Variants in IGFBP5 observed in about 807,000 individuals in gnomAD.
The protein encoded by IGFBP5 is insulin-like growth factor-binding protein 5.
IGFBP5 carries 12 observed loss-of-function variants against 28.0 expected under a neutral mutation model. The observed-to-expected ratio is 0.43, with a 90% CI of 0.27 to 0.69. The LOEUF is 0.69. Among genes scored for constraint, IGFBP5 ranks in the 30% least tolerant of loss-of-function variants. IGFBP5 has a pLI of 0.20. For synonymous variants in IGFBP5, 152 were observed against 150.2 expected, an observed-to-expected ratio of 1.01 and a Z score of -0.09; for missense variants, 344 against 381.6, an observed-to-expected ratio of 0.90 and a Z score of 0.82.
At chr2:216,682,967 C>G (rs945329535) in intron 1 of IGFBP5, among the ~76,000 whole-genome samples, 2 of 152,108 alleles carry the variant, frequency 1.3e-5, no homozygotes, top group Non-Finnish European at 2.9e-5. Flanking sequence ...CTTGGCCTCC[C>G]AAAGAGCTGG....
chr2:216,686,466 A>G (rs1043501912), intron 1 of IGFBP5, among the ~76,000 whole-genome samples: 5 of 151,948 alleles, frequency 3.3e-5, no homozygotes, highest in Admixed American at 6.6e-5. Flanking sequence ...ATAAAATGAA[A>G]TATTAGCCGG....
At chr2:216,689,374 G>C (rs916215933) in intron 1 of IGFBP5, among the ~76,000 whole-genome samples, 28 of 152,204 alleles carry the variant, frequency 1.8e-4, no homozygotes, top group African/African-American at 6.8e-4. Flanking sequence ...CCTAAGCCAG[G>C]CTTGTATGCA....
chr2:216,686,852 C>T (rs1419110108), intron 1 of IGFBP5, among the ~76,000 whole-genome samples: 4 of 151,694 alleles, frequency 2.6e-5, no homozygotes, highest in African/African-American at 9.7e-5. Flanking sequence ...CTCTTGAGCT[C>T]GTGATCCACC....
rs1689106030 is a variant in IGFBP5 at position 216,692,154 on chromosome 2, G to A, written c.337+2285C>T. ...CATCCCATCTGTTCGGGAAGAAGAT[G>A]TCGGCACCAGCAGCGGTGGAGCGCC... is the stretch of plus-strand genomic sequence containing the variant. On this transcript the variant is annotated intron_variant, in intron 1 of 3. Coordinates refer to ENST00000233813, the MANE Select transcript of IGFBP5 (RefSeq NM_000599.4). This position sits in a 1 kb window ranked among gnomAD's most constrained non-coding sequence, Gnocchi z 4.2. Among the ~76,000 whole-genome samples, 1 of 152,120 alleles carries A rather than the reference G, an allele frequency of 6.6e-6. No individual in the cohort carries two copies. The highest frequency in any genetic ancestry group is 2.4e-5 in the African/African-American group (1 of 41,408).
chr2:216,678,051 T>G, intron 3 of IGFBP5, 61 bp downstream of exon 3: 1 of 1,358,982 alleles, frequency 7.4e-7, no homozygotes, highest in Non-Finnish European at 9.6e-7. Flanking sequence ...CAAGGTGGAG[T>G]TTCCTGGCAG....
chr2:216,688,162 G>A (rs1353596804), intron 1 of IGFBP5, among the ~76,000 whole-genome samples: 1 of 152,108 alleles, frequency 6.6e-6, no homozygotes, highest in African/African-American at 2.4e-5. Context: ...TTTAAAAACA[G>A]ATACTCAACT....
At position 216,677,279 on chromosome 2, in the gene IGFBP5, A is replaced by G. The variant is rs10932670; in HGVS notation, c.688-397T>C. Among the ~76,000 whole-genome samples the G allele has an allele frequency of 8.3e-3, 1,255 of 152,088 alleles. 19 individuals are homozygous for G. Among genetic ancestry groups the G allele is most frequent in the African/African-American group, 0.028 (1,157 of 41,484 alleles). On this transcript the variant is annotated intron_variant, in intron 3 of 3. Coordinates refer to ENST00000233813, the MANE Select transcript of IGFBP5 (RefSeq NM_000599.4). ...AATATTACCCATTTGAGTTCCCCCA[A>G]CGTGAAACTCTGCAGGGATTCTCAA...
chr2:216,676,968 G>T, intron 3 of IGFBP5, 86 bp from the exon 4 acceptor site: 1 of 1,453,560 alleles, frequency 6.9e-7, no homozygotes, highest in Non-Finnish European at 9.4e-7. Context: ...CTACCCCAAG[G>T]CAAGACTCTC....
At chr2:216,690,534 T>C (rs562256616) in intron 1 of IGFBP5, among the ~76,000 whole-genome samples, 45 of 152,352 alleles carry the variant, frequency 3.0e-4, no homozygotes, top group African/African-American at 1.0e-3. Context: ...CCAGGGCTTC[T>C]GCAGGGAATT....
Position 216,674,319 on chromosome 2 carries a change from G to A in IGFBP5, c.*2432C>T, listed in dbSNP as rs1478149155. ...TTAGGGGACAGCTGTGCAGAGAGAT[G>A]GGGCATGCTGACTCGGCAGGTCAAG... On this transcript the variant is annotated 3_prime_UTR_variant, in exon 4 of 4. Transcript: ENST00000233813. This position sits in a 1 kb window ranked among gnomAD's most constrained non-coding sequence, Gnocchi z 4.4. 6.5e-6 allele frequency: 1 copy of A among 153,286 alleles called. No homozygotes were observed. The highest frequency in any genetic ancestry group is 6.5e-5 in the Admixed American group (1 of 15,284). 9.5% of individuals were successfully genotyped at this position (153,286 alleles called of 1,614,324 possible).
Position 216,694,415 on chromosome 2 carries a change from G to T in IGFBP5, c.337+24C>A. The T allele has an allele frequency of 6.7e-7, 1 of 1,483,656 alleles. No homozygotes were observed. Among genetic ancestry groups the T allele is most frequent in the Non-Finnish European group, 8.9e-7 (1 of 1,118,328 alleles). The allele number at this position is 1,483,656 out of a possible 1,614,324, so 91.9% of individuals were successfully genotyped here. On this transcript the variant is annotated intron_variant, in intron 1 of 3. Coordinates refer to ENST00000233813, the MANE Select transcript of IGFBP5 (RefSeq NM_000599.4). This position sits in a 1 kb window ranked among gnomAD's most constrained non-coding sequence, Gnocchi z 5.2. Reference sequence around the variant, plus strand: ...TCCCCCGCCCGTGCGCCGCGTAACTGACTGGCACACTGAGCGCGCTCACCG... The same window carrying T: ...TCCCCCGCCCGTGCGCCGCGTAACTTACTGGCACACTGAGCGCGCTCACCG...
At chr2:216,678,800 C>T in intron 2 of IGFBP5, 50 bp downstream of exon 2, 1 of 1,475,762 alleles carries the variant, frequency 6.8e-7, no homozygotes, top group Non-Finnish European at 9.3e-7. Context: ...CATTTAGATG[C>T]AGGAAAAGGT....
chr2:216,681,803 T>G (rs1386260940), intron 1 of IGFBP5, among the ~76,000 whole-genome samples: 2 of 152,170 alleles, frequency 1.3e-5, no homozygotes, highest in Non-Finnish European at 1.5e-5. Flanking sequence ...TCAACAGCTC[T>G]TCTCAAGACC....
At chr2:216,684,204 C>T (rs773932161) in intron 1 of IGFBP5, among the ~76,000 whole-genome samples, 18 of 152,342 alleles carry the variant, frequency 1.2e-4, no homozygotes, top group Middle Eastern at 6.8e-3. Flanking sequence ...CCTTTTGCCA[C>T]GGCTGTTCTC....
intron 1 of IGFBP5, among the ~76,000 whole-genome samples, chr2:216,685,464 C>G (rs901959590): frequency 1.6e-4 from 24 of 152,146 alleles, no homozygotes; most frequent in African/African-American, 5.6e-4. Context: ...CAGTGCTGGC[C>G]TGACGGCACT....
At chr2:216,691,980 G>A (rs918537321) in intron 1 of IGFBP5, among the ~76,000 whole-genome samples, 9 of 151,342 alleles carry the variant, frequency 5.9e-5, no homozygotes, top group Non-Finnish European at 8.8e-5. Flanking sequence ...TTGGGAAGCA[G>A]GAATTTTGGC....
intron 1 of IGFBP5, among the ~76,000 whole-genome samples, chr2:216,681,352 T>C (rs544507221): frequency 6.6e-6 from 1 of 152,258 alleles, no homozygotes; most frequent in South Asian, 2.1e-4. Context: ...TGGAGAAGCC[T>C]GGACCCCTTC....
intron 1 of IGFBP5, among the ~76,000 whole-genome samples, chr2:216,687,947 G>A (rs913412077): frequency 6.6e-6 from 1 of 152,176 alleles, no homozygotes; most frequent in African/African-American, 2.4e-5. Flanking sequence ...GTCTGTCAAC[G>A]AAAGCTGAGA....
chr2:216,679,307 C>A lies in IGFBP5; in HGVS notation c.338-228G>T, dbSNP rs1688942881. 5.1e-6 allele frequency: 3 copies of A among 584,776 alleles called. No homozygotes were observed. Among genetic ancestry groups the A allele is most frequent in the Non-Finnish European group, 3.1e-6 (1 of 320,802 alleles). 36.2% of individuals were successfully genotyped at this position (584,776 alleles called of 1,614,324 possible). A position where few individuals can be genotyped will look rare whatever the true frequency, so the allele number is the denominator to read the frequency against. The stretch of plus-strand genomic sequence containing the variant: ...CATGCTTGGAGTCAAGCAGAGAGTG[C>A]AGGCAGGGAGGCTTCACAGAGGAGG... On this transcript the variant is annotated intron_variant, in intron 1 of 3. Transcript: ENST00000233813. This position sits in a 1 kb window ranked among gnomAD's most constrained non-coding sequence, Gnocchi z 4.6.
Sources: gnomAD v4.1 joint callset for allele counts (sites outside exome capture counted in the v4.1 genomes callset) on GRCh38, gnomAD v4.1.1 for gene constraint, Gnocchi (gnomAD v3.1) non-coding constraint, MANE v1.5 for transcripts, NCBI Gene and HGNC (gene_info 2026-07-23, HGNC 2026-07-21) for gene names.